The following TENM2 variants were observed in gnomAD, a reference collection of about 807,000 sequenced individuals.
TENM2 encodes teneurin-2.
A neutral mutation model predicts 245.2 loss-of-function variants in TENM2; 52 were observed. That is an observed-to-expected ratio of 0.21 (90% CI 0.17 to 0.27). TENM2 has a LOEUF of 0.27. TENM2 is among the 10% of genes least tolerant of loss of function. TENM2 has a pLI of 1.00. For missense variants in TENM2, 3,046 were observed against 3,666.8 expected (o/e 0.83, Z 4.37); for synonymous variants, 1,363 against 1,438.9 (o/e 0.95, Z 1.19).
intron 13 of TENM2, among the ~76,000 whole-genome samples, chr5:168,178,911 G>A (rs1270737195): frequency 6.6e-6 from 1 of 152,066 alleles, no homozygotes; most frequent in Non-Finnish European, 1.5e-5. Flanking sequence ...GAGGCGGATG[G>A]ATCACTTGAG....
intron 5 of TENM2, among the ~76,000 whole-genome samples, chr5:168,012,663 A>AC (rs1785321561): frequency 6.8e-6 from 1 of 147,666 alleles, no homozygotes; most frequent in Non-Finnish European, 1.5e-5. Context: ...AAAAAAAACA[A>AC]AAAAAAAAAC....
At chr5:168,043,309 G>A (rs564783089) in intron 5 of TENM2, among the ~76,000 whole-genome samples, 49 of 151,560 alleles carry the variant, frequency 3.2e-4, no homozygotes, top group Non-Finnish European at 5.6e-4. Context: ...GGCTGGTCTT[G>A]AACACCTGGC....
intron 6 of TENM2, among the ~76,000 whole-genome samples, chr5:168,060,472 C>T (rs1171483068): frequency 6.6e-6 from 1 of 151,970 alleles, no homozygotes; most frequent in Non-Finnish European, 1.5e-5. Flanking sequence ...ACCGTCTAGT[C>T]CCCATCTGAA....
intron 8 of TENM2, among the ~76,000 whole-genome samples, chr5:168,093,461 T>C (rs1793110989): frequency 6.6e-6 from 1 of 152,214 alleles, no homozygotes. Flanking sequence ...CTCCCACACA[T>C]TCCTATCATC....
chr5:167,174,371 A>G, the TENM2 span, among the ~76,000 whole-genome samples: 1 of 152,036 alleles, frequency 6.6e-6, no homozygotes, highest in African/African-American at 2.4e-5. Flanking sequence ...TATGTGGCAG[A>G]TTTGTTTTGG....
At chr5:167,185,439 C>G in the TENM2 span, among the ~76,000 whole-genome samples, 1 of 152,076 alleles carries the variant, frequency 6.6e-6, no homozygotes, top group African/African-American at 2.4e-5. Flanking sequence ...CATTTTTATG[C>G]ATGTATAAAT....
chr5:167,649,674 G>C (rs1336787207), intron 2 of TENM2, among the ~76,000 whole-genome samples: 1 of 152,142 alleles, frequency 6.6e-6, no homozygotes, highest in Non-Finnish European at 1.5e-5. Flanking sequence ...GAGTGATATG[G>C]ATGTGTTTTT....
chr5:167,175,223 T>C, the TENM2 span, among the ~76,000 whole-genome samples: 1 of 152,246 alleles, frequency 6.6e-6, no homozygotes, highest in Non-Finnish European at 1.5e-5. Context: ...AATATTTTTG[T>C]CTGTTTTTCA....
At chr5:167,967,184 A>C (rs1781445383) in intron 4 of TENM2, 1 of 151,960 alleles carries the variant, frequency 6.6e-6, no homozygotes, top group African/African-American at 2.4e-5. Flanking sequence ...AGATGGAAAC[A>C]AGGGGGTTGG....
intron 2 of TENM2, among the ~76,000 whole-genome samples, chr5:167,746,685 G>GAT (rs1203768590): frequency 1.1e-4 from 15 of 139,182 alleles, no homozygotes; most frequent in Non-Finnish European, 2.0e-4. Context: ...CAGAGAGAGA[G>GAT]AGAGAGAGAG....
At chr5:167,788,277 A>C (rs1281052029) in intron 2 of TENM2, among the ~76,000 whole-genome samples, 1 of 152,176 alleles carries the variant, frequency 6.6e-6, no homozygotes, top group Non-Finnish European at 1.5e-5. Context: ...TATGATACAG[A>C]AAATGGTCTC....
Position 168,244,642 on chromosome 5 carries a change from A to G in TENM2, c.5743A>G (p.Ile1915Val), listed in dbSNP as rs749890520. 9 of 1,567,866 alleles carry G rather than the reference A, an allele frequency of 5.7e-6. No homozygotes were observed. The highest frequency in any genetic ancestry group is 1.7e-4 in the Middle Eastern group (1 of 5,866). ...TGGGGCCATGAGCGAGAGGACAGACATCGACAAGCAAGGCCGCATCGTGTC... is the reference window on the plus strand; with the variant it reads ...TGGGGCCATGAGCGAGAGGACAGACGTCGACAAGCAAGGCCGCATCGTGTC... The change falls in exon 26 of 29, where the codon ATC becomes GTC. Residue 1915 changes from isoleucine to valine, a missense_variant. Transcript: ENST00000518659. This position sits in a 1 kb window ranked among gnomAD's most constrained non-coding sequence, Gnocchi z 4.9.
chr5:168,248,295 G>A lies in TENM2; in HGVS notation c.7356G>A (p.Pro2452=), dbSNP rs372106540. The A allele has an allele frequency of 1.2e-4, 199 of 1,613,994 alleles. 1 individual carries two copies. In the African/African-American group the frequency reaches 1.6e-3, roughly 13 times the overall value. ...TGTGGAAAAACGTGGGCAAGGAGCC[G>A]GCCCCCTTTAACCTGTATATGTTCA... The change falls in exon 27 of 29, where the codon CCG becomes CCA. Residue 2452 remains proline (P), a synonymous_variant. Transcript: ENST00000518659.
At chr5:167,638,662 C>T (rs1024634490) in intron 2 of TENM2, among the ~76,000 whole-genome samples, 10 of 152,166 alleles carry the variant, frequency 6.6e-5, no homozygotes, top group African/African-American at 1.9e-4. Context: ...AATTTAGCCA[C>T]GAATTGCTTT....
the TENM2 span, among the ~76,000 whole-genome samples, chr5:167,214,963 C>T: frequency 6.6e-6 from 1 of 152,082 alleles, no homozygotes; most frequent in African/African-American, 2.4e-5. Flanking sequence ...ACCTACCATC[C>T]CTTCCGAATA....
chr5:168,130,183 G>A (rs1754445807), intron 12 of TENM2: 1 of 152,172 alleles, frequency 6.6e-6, no homozygotes, highest in Non-Finnish European at 1.5e-5. Flanking sequence ...TCCATGTTTG[G>A]TTAATGCCTT....
chr5:166,993,790 G>T, the TENM2 span, among the ~76,000 whole-genome samples: 2 of 152,148 alleles, frequency 1.3e-5, no homozygotes, highest in African/African-American at 4.8e-5. Flanking sequence ...TTAAATAACC[G>T]ACACAATTTC....
chr5:167,775,899 A>G (rs1763731494), intron 2 of TENM2, among the ~76,000 whole-genome samples: 1 of 152,152 alleles, frequency 6.6e-6, no homozygotes, highest in African/African-American at 2.4e-5. Context: ...ACTGGCAGCT[A>G]CATAGGTGCT....
At chr5:167,818,214 G>A (rs528628426) in intron 2 of TENM2, among the ~76,000 whole-genome samples, 1 of 152,212 alleles carries the variant, frequency 6.6e-6, no homozygotes, top group African/African-American at 2.4e-5. Context: ...CTCTTGTTTA[G>A]TTTTTATTGA....
Sources: allele counts gnomAD v4.1 joint callset (sites outside exome capture counted in the v4.1 genomes callset), GRCh38; gene constraint gnomAD v4.1.1; non-coding constraint Gnocchi (gnomAD v3.1); transcripts MANE v1.5; gene names NCBI Gene and HGNC (gene_info 2026-07-23, HGNC 2026-07-21).